Variants in CA10 observed in about 807,000 individuals in gnomAD.
CA10 encodes the protein carbonic anhydrase-related protein 10.
A neutral mutation model predicts 44.2 loss-of-function variants in CA10; 14 were observed. The ratio of observed to expected loss-of-function variants is 0.32; its 90% CI spans 0.21 to 0.50. The LOEUF (loss-of-function observed/expected upper bound fraction) is 0.50. Ranked by LOEUF, CA10 falls within the 20% of genes least tolerant of loss-of-function variation. The pLI is 0.99. For synonymous variants in CA10, 159 were observed against 141.6 expected (o/e 1.12, Z -0.87); for missense variants, 350 against 409.7 (o/e 0.85, Z 1.26).
rs368081821 is a variant in CA10 at position 51,655,024 on chromosome 17, G to A, written c.466-1288C>T. ...TATAAGTCACACAAACACACATAGCGTATAAAAAATAATAAATTCCCTAGT... is the reference window on the plus strand; with the variant it reads ...TATAAGTCACACAAACACACATAGCATATAAAAAATAATAAATTCCCTAGT... On this transcript the variant is annotated intron_variant, in intron 4 of 8. Coordinates refer to ENST00000451037, the MANE Select transcript of CA10 (RefSeq NM_020178.5). Among the ~76,000 whole-genome samples, 128 of 151,908 alleles carry A rather than the reference G, an allele frequency of 8.4e-4. 1 individual carries two copies. In the Middle Eastern group the frequency reaches 0.01, roughly 12 times the overall value.
chr17:52,000,278 G>A (rs1260821796), intron 2 of CA10, among the ~76,000 whole-genome samples: 1 of 152,004 alleles, frequency 6.6e-6, no homozygotes, highest in Non-Finnish European at 1.5e-5. Context: ...CAAGACCTAT[G>A]GTTTCTGAAT....
intron 3 of CA10, among the ~76,000 whole-genome samples, chr17:51,748,173 T>C (rs1371565751): frequency 6.6e-6 from 1 of 152,206 alleles, no homozygotes; most frequent in Non-Finnish European, 1.5e-5. Flanking sequence ...ATCTCAGCTG[T>C]GAGAAATTGG....
chr17:51,820,198 C>G (rs1296116219), intron 3 of CA10, among the ~76,000 whole-genome samples: 1 of 103,142 alleles, frequency 9.7e-6, no homozygotes, highest in African/African-American at 3.3e-5. Flanking sequence ...CCCCCCCCCC[C>G]AGGTAATACC....
At chr17:52,080,735 A>G (rs1050447470) in intron 1 of CA10, among the ~76,000 whole-genome samples, 3 of 151,904 alleles carry the variant, frequency 2.0e-5, no homozygotes, top group African/African-American at 7.3e-5. Context: ...TTCCCCCCGA[A>G]ATTCCTTCTT....
intron 3 of CA10, among the ~76,000 whole-genome samples, chr17:51,928,936 C>G (rs1226938595): frequency 6.6e-6 from 1 of 152,084 alleles, no homozygotes; most frequent in Non-Finnish European, 1.5e-5. Flanking sequence ...CAAAAGGAAC[C>G]ATCAGACAGT....
At chr17:52,036,353 AAAGAT>A (rs1422841280) in intron 2 of CA10, among the ~76,000 whole-genome samples, 1 of 152,180 alleles carries the variant, frequency 6.6e-6, no homozygotes, top group Non-Finnish European at 1.5e-5. Context: ...CTGGGTATAT[AAAGAT>A]AAATGTGACA....
intron 3 of CA10, among the ~76,000 whole-genome samples, chr17:51,856,031 G>C (rs1052311688): frequency 1.3e-5 from 2 of 152,160 alleles, no homozygotes; most frequent in East Asian, 3.9e-4. Context: ...CTCTGAGCAG[G>C]CATGCACCTG....
chr17:51,788,661 A>AGCATTTCC (rs1344350907), intron 3 of CA10, among the ~76,000 whole-genome samples: 7 of 152,224 alleles, frequency 4.6e-5, no homozygotes, highest in Non-Finnish European at 7.3e-5. Context: ...CCTACTGTAG[A>AGCATTTCC]GCATTTCCAC....
intron 3 of CA10, among the ~76,000 whole-genome samples, chr17:51,856,683 C>G (rs1354868313): frequency 6.6e-6 from 1 of 152,126 alleles, no homozygotes; most frequent in Non-Finnish European, 1.5e-5. Context: ...TCTCATGGGG[C>G]AGAAAGACAG....
intron 3 of CA10, among the ~76,000 whole-genome samples, chr17:51,851,259 C>T (rs1235125090): frequency 6.6e-6 from 1 of 152,178 alleles, no homozygotes; most frequent in Non-Finnish European, 1.5e-5. Context: ...TACTCAACTC[C>T]ACAGCCTGTA....
intron 4 of CA10, among the ~76,000 whole-genome samples, chr17:51,743,070 A>G (rs1904527028): frequency 6.6e-6 from 1 of 152,262 alleles, no homozygotes; most frequent in Non-Finnish European, 1.5e-5. Flanking sequence ...CAGAAGCACA[A>G]GAGCATGTGA....
rs374164339 is a variant in CA10 at position 51,679,264 on chromosome 17, C to CTT, written c.466-25530_466-25529dup. 1.3e-3 allele frequency among the ~76,000 whole-genome samples: 175 copies of CTT among 136,300 alleles called. 1 individual carries two copies. Among genetic ancestry groups the CTT allele is most frequent in the African/African-American group, 3.8e-3 (148 of 38,912 alleles). 89.4% of individuals were successfully genotyped at this position (136,300 alleles called of 152,430 possible). Reference sequence around the variant, plus strand: ...AGGGTCTGAGACTGTTTTTCTTTCTCTTTTTTTTTTTTTGGGATGGAGTCT... The same window carrying CTT: ...AGGGTCTGAGACTGTTTTTCTTTCTCTTTTTTTTTTTTTTTGGGATGGAGTCT... On this transcript the variant is annotated intron_variant, in intron 4 of 8. Coordinates refer to ENST00000451037, the MANE Select transcript of CA10 (RefSeq NM_020178.5).
In CA10 at chr17:51,758,116, C is replaced by T. The variant is rs139529536; in HGVS notation, c.280-10298G>A. Among the ~76,000 whole-genome samples the T allele has an allele frequency of 4.6e-3, 705 of 152,180 alleles. 10 individuals are homozygous for T. Among genetic ancestry groups the T allele is most frequent in the African/African-American group, 0.016 (658 of 41,510 alleles). ...TTTTCCCTTAGTAATGCTAAGTTTA[C>T]GCTGATCTTTCTCTTACCTATCCAT... On this transcript the variant is annotated intron_variant, in intron 3 of 8. Transcript: ENST00000451037.
At chr17:51,986,389 A>G (rs1239282661) in intron 2 of CA10, among the ~76,000 whole-genome samples, 2 of 152,186 alleles carry the variant, frequency 1.3e-5, no homozygotes, top group Non-Finnish European at 2.9e-5. Flanking sequence ...TAAGACCTGA[A>G]ACTGTAAAAA....
Position 51,649,139 on chromosome 17 carries a change from C to A in CA10, c.634+43G>T, listed in dbSNP as rs78549161. The A allele has an allele frequency of 1.4e-4, 211 of 1,471,636 alleles. No individual in the cohort carries two copies. In the African/African-American group the frequency reaches 2.5e-3, roughly 17 times the overall value. The allele number at this position is 1,471,636 out of a possible 1,614,324, so 91.2% of individuals were successfully genotyped here. On this transcript the variant is annotated intron_variant, in intron 6 of 8. Coordinates refer to ENST00000451037, the MANE Select transcript of CA10 (RefSeq NM_020178.5). ...CTTCCCGCCTTCAGGCAGGTCTAACCTTTATAGAATAGTTGCTGTGGAGGA... is the reference window on the plus strand; with the variant it reads ...CTTCCCGCCTTCAGGCAGGTCTAACATTTATAGAATAGTTGCTGTGGAGGA...
At chr17:51,974,814 A>C (rs1392272904) in intron 2 of CA10, among the ~76,000 whole-genome samples, 1 of 152,186 alleles carries the variant, frequency 6.6e-6, no homozygotes, top group Non-Finnish European at 1.5e-5. Flanking sequence ...ATAGGGCTGA[A>C]AAAAACTCTT....
At chr17:51,700,712 G>A (rs1198461563) in intron 4 of CA10, among the ~76,000 whole-genome samples, 2 of 152,034 alleles carry the variant, frequency 1.3e-5, no homozygotes, top group Admixed American at 6.6e-5. Flanking sequence ...ACTTACCGTC[G>A]CCTAACATTC....
At chr17:51,757,399 A>G (rs1905105782) in intron 3 of CA10, among the ~76,000 whole-genome samples, 1 of 152,248 alleles carries the variant, frequency 6.6e-6, no homozygotes, top group South Asian at 2.1e-4. Context: ...TTCAGAGATC[A>G]TCAAGCTCTT....
At chr17:51,856,880 T>C (rs769187838) in intron 3 of CA10, among the ~76,000 whole-genome samples, 6 of 152,082 alleles carry the variant, frequency 3.9e-5, no homozygotes, top group Non-Finnish European at 5.9e-5. Flanking sequence ...AAAGAAGGAA[T>C]TGGTATTCTA....
Sources: gnomAD v4.1 joint callset for allele counts (sites outside exome capture counted in the v4.1 genomes callset) on GRCh38, gnomAD v4.1.1 for gene constraint, MANE v1.5 for transcripts, NCBI Gene and HGNC (gene_info 2026-07-23, HGNC 2026-07-21) for gene names.